The following GBP6 variants were observed in gnomAD, a reference collection of about 807,000 sequenced individuals.
The protein encoded by GBP6 is guanylate binding protein family member 6, also known as guanylate-binding protein 6.
Under a neutral mutation model 61.5 loss-of-function variants are expected in GBP6, and 54 were observed. The ratio of observed to expected loss-of-function variants is 0.88; its 90% CI spans 0.71 to 1.10. The LOEUF (loss-of-function observed/expected upper bound fraction) is 1.10, where lower values mean the gene tolerates loss of function less well. Ranked by LOEUF, GBP6 falls within the 50% of genes least tolerant of loss-of-function variation. The pLI, the probability that GBP6 is intolerant of heterozygous loss-of-function variation, is 0.00. For missense variants in GBP6, 748 were observed against 752.8 expected, an observed-to-expected ratio of 0.99 and a Z score of 0.07; for synonymous variants, 255 against 273.7, an observed-to-expected ratio of 0.93 and a Z score of 0.67.
Position 89,368,625 on chromosome 1 carries a change from A to G in GBP6, c.74A>G (p.Gln25Arg). ...ENNNEQLLVN[Q>R]QAIQILEKIS... ...AACAATGAGCAGCTATTGGTGAACC[A>G]GCAAGCTATACAGATTCTTGAAAAG... The change falls in exon 2 of 11, where the codon CAG (glutamine) becomes CGG (arginine). Residue 25 changes from glutamine to arginine, a missense_variant. Transcript: ENST00000370456. The G allele has an allele frequency of 1.2e-6, 2 of 1,614,206 alleles. No individual in the cohort carries two copies. The highest frequency in any genetic ancestry group is 1.7e-6 in the Non-Finnish European group (2 of 1,180,010).
At chr1:89,385,202 T>A (rs776723442) in intron 10 of GBP6, 28 bp from the exon 11 acceptor site, 1 of 1,583,034 alleles carries the variant, frequency 6.3e-7, no homozygotes, top group Non-Finnish European at 8.6e-7. Flanking sequence ...TTTTTAAAAA[T>A]TTACTTTCCT....
rs752988441 is a variant in GBP6 at position 89,382,884 on chromosome 1, A to G, written c.1365+8A>G. On this transcript the variant is annotated splice_region_variant and intron_variant, in intron 8 of 10. Coordinates refer to ENST00000370456, the MANE Select transcript of GBP6 (RefSeq NM_198460.3). ...CCCAGGAAAGGAGTAAAGGTAAGGAATAAGGGGAGCATGGGGAAGTTTATA... is the reference window on the plus strand; with the variant it reads ...CCCAGGAAAGGAGTAAAGGTAAGGAGTAAGGGGAGCATGGGGAAGTTTATA... The G allele has an allele frequency of 6.9e-6, 11 of 1,592,728 alleles. No individual in the cohort carries two copies. The highest frequency in any genetic ancestry group is 9.5e-6 in the Non-Finnish European group (11 of 1,160,668).
At chr1:89,375,195 A>T (rs967019507) in intron 3 of GBP6, among the ~76,000 whole-genome samples, 2 of 152,146 alleles carry the variant, frequency 1.3e-5, no homozygotes, top group East Asian at 1.9e-4. Context: ...GGTTGATTCC[A>T]TGTCTTTGCT....
intron 9 of GBP6, 96 bp from the exon 10 acceptor site, chr1:89,383,997 C>A (rs1301527884): frequency 1.0e-5 from 13 of 1,253,052 alleles, no homozygotes; most frequent in Non-Finnish European, 1.4e-5. Context: ...TGATTTCTCA[C>A]CCTGCCTTTC....
At chr1:89,381,567 TGGGTGTATGTGTTTGCATGTGTGCACGC>T in intron 6 of GBP6, 99 bp from the exon 7 acceptor site, 1 of 783,922 alleles carries the variant, frequency 1.3e-6, no homozygotes, top group Non-Finnish European at 2.0e-6. Context: ...GGTAGGGATG[TGGGTGTATGTGTTTGCATGTGTGCACGC>T]GCGTGTATGT....
In GBP6 at chr1:89,382,060, C is replaced by T. The variant is rs571626477; in HGVS notation, c.1152+86C>T. The T allele has an allele frequency of 4.1e-5, 53 of 1,300,228 alleles. No individual in the cohort carries two copies. In the South Asian group the frequency reaches 7.5e-4, roughly 18 times the overall value. The allele number at this position is 1,300,228 out of a possible 1,614,324, so 80.5% of individuals were successfully genotyped here. A position where few individuals can be genotyped will look rare whatever the true frequency, so the allele number is the denominator to read the frequency against. On this transcript the variant is annotated intron_variant, in intron 7 of 10. Coordinates refer to ENST00000370456, the MANE Select transcript of GBP6 (RefSeq NM_198460.3). Reference sequence around the variant, plus strand: ...TGCCTTTATTGTCACCAATGCTCATCTGTCACTGAGGAATAACTTATTGTG... The same window carrying T: ...TGCCTTTATTGTCACCAATGCTCATTTGTCACTGAGGAATAACTTATTGTG...
chr1:89,380,061 C>G (rs1028746025), intron 5 of GBP6, among the ~76,000 whole-genome samples: 1 of 152,130 alleles, frequency 6.6e-6, no homozygotes, highest in Non-Finnish European at 1.5e-5. Context: ...TCACTTGAGC[C>G]TAGGAAATCA....
intron 4 of GBP6, 67 bp from the exon 5 acceptor site, chr1:89,378,350 T>A: frequency 6.5e-7 from 1 of 1,550,004 alleles, no homozygotes; most frequent in Non-Finnish European, 8.8e-7. Flanking sequence ...AGAGTGTTTA[T>A]AATATTTTTA....
At position 89,369,579 on chromosome 1, in the gene GBP6, C is replaced by T; in HGVS notation, c.224C>T (p.Thr75Ile). 1 of 1,614,102 alleles carries T rather than the reference C, an allele frequency of 6.2e-7. No individual in the cohort carries two copies. The highest frequency in any genetic ancestry group is 1.1e-5 in the South Asian group (1 of 91,074). The change falls in exon 3 of 11, where the codon ACC (threonine) becomes ATC (isoleucine). Residue 75 changes from threonine to isoleucine, a missense_variant. Physicochemically the swap from Thr to Ile is moderately conservative, Grantham distance 89. Transcript: ENST00000370456. ...FPLGSTVQSETKGIWMWCVPH... is the reference protein window; with the variant it reads ...FPLGSTVQSEIKGIWMWCVPH... The stretch of plus-strand genomic sequence containing the variant: ...CTGGGCTCCACGGTGCAGTCTGAAA[C>T]CAAGGGCATCTGGATGTGGTGCGTG...
chr1:89,378,255 C>T (rs769819012), intron 4 of GBP6, 43 bp downstream of exon 4: 93 of 1,580,016 alleles, frequency 5.9e-5, no homozygotes, highest in Non-Finnish European at 7.4e-5. Flanking sequence ...GTTTCATTGA[C>T]TTTATAGGAA....
At position 89,380,519 on chromosome 1, in the gene GBP6, A is replaced by G; in HGVS notation, c.759A>G (p.Ser253=). The change falls in exon 6 of 11, where the codon TCA becomes TCG. Residue 253 remains serine (S), a synonymous_variant. Coordinates refer to ENST00000370456, the MANE Select transcript of GBP6 (RefSeq NM_198460.3). ...TTCTAGCCAATATTGAGAAGGTGTC[A>G]GAAAAGCAACTGGATCCCAAATTCC... is the stretch of plus-strand genomic sequence containing the variant. ...KDLLANIEKV[S]EKQLDPKFQE... The G allele has an allele frequency of 6.2e-7, 1 of 1,614,186 alleles. No individual in the cohort carries two copies. The highest frequency in any genetic ancestry group is 8.5e-7 in the Non-Finnish European group (1 of 1,180,018).
intron 3 of GBP6, among the ~76,000 whole-genome samples, chr1:89,374,200 G>A (rs904539464): frequency 6.6e-6 from 1 of 152,106 alleles, no homozygotes; most frequent in African/African-American, 2.4e-5. Context: ...CCAGTCTCGT[G>A]TATGTCTTTA....
rs755244234 is a variant in GBP6, at chr1:89,368,510, A to T, written c.-23-19A>T. The T allele has an allele frequency of 1.3e-6, 2 of 1,560,238 alleles. No homozygotes were observed. Among genetic ancestry groups the T allele is most frequent in the South Asian group, 2.3e-5 (2 of 85,880 alleles). On this transcript the variant is annotated intron_variant, in intron 1 of 10. Coordinates refer to ENST00000370456, the MANE Select transcript of GBP6 (RefSeq NM_198460.3). Reference sequence around the variant, plus strand: ...CACTGAGACAGAGAATGACAATGTAACGTTATTTCTACTGGGAGGCTCTTC... The same window carrying T: ...CACTGAGACAGAGAATGACAATGTATCGTTATTTCTACTGGGAGGCTCTTC...
chr1:89,383,400 A>G (rs1653043205), intron 8 of GBP6, among the ~76,000 whole-genome samples: 1 of 152,146 alleles, frequency 6.6e-6, no homozygotes, highest in South Asian at 2.1e-4. Context: ...CTGTGCACAT[A>G]GTTCTGCCTG....
intron 7 of GBP6, among the ~76,000 whole-genome samples, chr1:89,382,223 G>C (rs1652999363): frequency 6.6e-6 from 1 of 152,182 alleles, no homozygotes; most frequent in Non-Finnish European, 1.5e-5. Flanking sequence ...GGCCTGCTCT[G>C]AACACGCACA....
Position 89,380,479 on chromosome 1 carries a change from CAAATGACAA to C in GBP6, c.721_729del (p.Asn241_Lys243del). Reference sequence around the variant, plus strand: ...AAGTGTTTCGTCTTTGACCGGCCAACAAATGACAAAGACCTTCTAGCCAATATTGAGAAG... The same window carrying C: ...AAGTGTTTCGTCTTTGACCGGCCAACAGACCTTCTAGCCAATATTGAGAAG... On this transcript the variant is annotated inframe_deletion, in exon 6 of 11. Coordinates refer to ENST00000370456, the MANE Select transcript of GBP6 (RefSeq NM_198460.3). The C allele has an allele frequency of 6.2e-7, 1 of 1,614,088 alleles. No individual in the cohort carries two copies. Among genetic ancestry groups the C allele is most frequent in the Non-Finnish European group, 8.5e-7 (1 of 1,180,002 alleles).
Position 89,387,457 on chromosome 1 carries a change from C to A in GBP6, c.*1988C>A, listed in dbSNP as rs1653172976. Among the ~76,000 whole-genome samples the A allele has an allele frequency of 6.6e-6, 1 of 152,164 alleles. No individual in the cohort carries two copies. Among genetic ancestry groups the A allele is most frequent in the South Asian group, 2.1e-4 (1 of 4,834 alleles). On this transcript the variant is annotated 3_prime_UTR_variant, in exon 11 of 11. Coordinates refer to ENST00000370456, the MANE Select transcript of GBP6 (RefSeq NM_198460.3). ...GTTTGAAGACAGATACCTTATTTTT[C>A]TGTACATCTCCTTGGGAGTATGTTC...
chr1:89,369,132 C>T (rs952561877), intron 2 of GBP6, among the ~76,000 whole-genome samples: 1 of 152,180 alleles, frequency 6.6e-6, no homozygotes, highest in African/African-American at 2.4e-5. Context: ...TGGCCACCAA[C>T]TTCTGTTTTG....
chr1:89,378,460 C>G lies in GBP6; in HGVS notation c.472C>G (p.Pro158Ala), dbSNP rs372976582. The G allele has an allele frequency of 1.2e-5, 19 of 1,614,108 alleles. No homozygotes were observed. The highest frequency in any genetic ancestry group is 8.9e-5 in the East Asian group (4 of 44,886). The change falls in exon 5 of 11, where the codon CCA becomes GCA. Residue 158 changes from proline (P) to alanine (A), a missense_variant. By Grantham distance (27) the Pro-to-Ala change is conservative (BLOSUM62 -1). Coordinates refer to ENST00000370456, the MANE Select transcript of GBP6 (RefSeq NM_198460.3). ...LTELIKAKSS[P>A]RPDGVEDSTE... Reference sequence around the variant, plus strand: ...AGAACTAATTAAGGCAAAGTCCTCCCCAAGGCCTGATGGAGTAGAAGATTC... The same window carrying G: ...AGAACTAATTAAGGCAAAGTCCTCCGCAAGGCCTGATGGAGTAGAAGATTC...
Sources: gnomAD v4.1 joint callset for allele counts (sites outside exome capture counted in the v4.1 genomes callset) on GRCh38, gnomAD v4.1.1 for gene constraint, MANE v1.5 for transcripts, NCBI Gene and HGNC (gene_info 2026-07-23, HGNC 2026-07-21) for gene names.